The following L1CAM variants were observed in gnomAD, a reference collection of about 807,000 sequenced individuals.
L1CAM encodes neural cell adhesion molecule L1.
L1CAM carries 8 observed loss-of-function variants against 93.0 expected under a neutral mutation model. That is an observed-to-expected ratio of 0.09 (90% CI 0.05 to 0.16). The LOEUF is 0.16. Ranked by LOEUF, L1CAM falls within the 10% of genes least tolerant of loss-of-function variation. The probability of loss-of-function intolerance (pLI) is 1.00; values close to 1 mark genes in which losing one functional copy is unlikely to be tolerated. For synonymous variants in L1CAM, 453 were observed against 453.0 expected (o/e 1.00, Z 0.00); for missense variants, 777 against 1,073.4 (o/e 0.72, Z 3.86).
intron 1 of L1CAM, among the ~76,000 whole-genome samples, chrX:153,877,076 G>A (rs2064818362): frequency 9.1e-6 from 1 of 109,315 alleles, no homozygotes; most frequent in Non-Finnish European, 1.9e-5. Context: ...GGGAGGCCGA[G>A]GTGGGTGGAT....
chrX:153,869,612 C>T lies in L1CAM; in HGVS notation c.1175G>A (p.Ser392Asn). 1 of 1,210,070 alleles carries T rather than the reference C, an allele frequency of 8.3e-7. No homozygotes were observed. Among genetic ancestry groups the T allele is most frequent in the Non-Finnish European group, 1.1e-6 (1 of 894,757 alleles). ...CATTGTGTCACTGGGCTGCACGTTG[C>T]TCAGGATCAGGGCGCCACGCTGAAT... The part of the protein sequence containing the change: ...YRIQRGALIL[S>N]NVQPSDTMVT... The change falls in exon 11 of 29, where the codon AGC (serine) becomes AAC (asparagine). Residue 392 changes from serine to asparagine, a missense_variant. By Grantham distance (46) the Ser-to-Asn change is conservative (BLOSUM62 1). Transcript: ENST00000370060.
At position 153,870,259 on chromosome X, in the gene L1CAM, G is replaced by A; in HGVS notation, c.807-19C>T. 1 of 1,203,757 alleles carries A rather than the reference G, an allele frequency of 8.3e-7. No individual in the cohort carries two copies. The highest frequency in any genetic ancestry group is 1.1e-6 in the Non-Finnish European group (1 of 888,843). On this transcript the variant is annotated intron_variant, in intron 8 of 28. Coordinates refer to ENST00000370060, the MANE Select transcript of L1CAM (RefSeq NM_001278116.2). The stretch of plus-strand genomic sequence containing the variant: ...CGTGGGACTGCCCGGGAGGCAAAGG[G>A]AAGAGAGCAGAAGGGAGAAAGGACA...
At chrX:153,883,192 G>C (rs1569545171) in intron 1 of L1CAM, among the ~76,000 whole-genome samples, 1 of 111,304 alleles carries the variant, frequency 9.0e-6, no homozygotes, top group Non-Finnish European at 1.9e-5. Flanking sequence ...AGGGGCAGCT[G>C]GGGGGGACAA....
intron 2 of L1CAM, among the ~76,000 whole-genome samples, chrX:153,874,429 G>A (rs4243542): frequency 0.064 from 7,271 of 112,849 alleles, 316 homozygotes; most frequent in African/African-American, 0.15. Context: ...GCCTCTCAGC[G>A]GCTCTGCTCC....
At chrX:153,867,655 A>T (rs1342401644) in intron 16 of L1CAM, 102 bp from the exon 17 acceptor site, 1 of 960,596 alleles carries the variant, frequency 1.0e-6, no homozygotes, top group Non-Finnish European at 1.5e-6. Context: ...ACCCAGGCCA[A>T]CTGGCATCTC....
chrX:153,874,188 C>T (rs1436303527), intron 2 of L1CAM, among the ~76,000 whole-genome samples: 3 of 112,535 alleles, frequency 2.7e-5, no homozygotes, highest in Non-Finnish European at 3.8e-5. Flanking sequence ...CAGGGAGGGC[C>T]GGCTGCCTGC....
At chrX:153,883,593 C>G (rs2064858483) in intron 1 of L1CAM, 1 of 271,372 alleles carries the variant, frequency 3.7e-6, no homozygotes, top group African/African-American at 2.8e-5. Context: ...GAGGACAGGG[C>G]AATGAGCACC....
chrX:153,862,975 G>A (rs782716610), intron 28 of L1CAM, 81 bp from the exon 29 acceptor site: 8 of 770,112 alleles, frequency 1.0e-5, no homozygotes, highest in Non-Finnish European at 1.3e-5. Flanking sequence ...GCAGACGCCC[G>A]CCTGCCTTCC....
In L1CAM at chrX:153,866,827, G is replaced by C; in HGVS notation, c.2253C>G (p.Arg751=). 5 of 1,211,626 alleles carry C rather than the reference G, an allele frequency of 4.1e-6. No homozygotes were observed. Among genetic ancestry groups the C allele is most frequent in the Non-Finnish European group, 5.6e-6 (5 of 895,394 alleles). The change falls in exon 19 of 29, where the codon CGC becomes CGG. Residue 751 remains arginine (R), a synonymous_variant. Coordinates refer to ENST00000370060, the MANE Select transcript of L1CAM (RefSeq NM_001278116.2). ...GTGTCCCCTGAGGGCGCCACTGCAC[G>C]CGGTACTGAACCTGGGGGGCGTTCC... ...MDWNAPQVQY[R]VQWRPQGTRG...
In L1CAM at chrX:153,864,416, C is replaced by T. The variant is rs782716181; in HGVS notation, c.3228G>A (p.Thr1076=). 5.8e-6 allele frequency: 7 copies of T among 1,211,096 alleles called. No homozygotes were observed. Among genetic ancestry groups the T allele is most frequent in the East Asian group, 5.9e-5 (2 of 33,848 alleles). ...CAGTGTCAGGCTGCAGGTCCCACTG[C>T]GTGTAGGAGCTCTGGTTGTAGCTGA... ...QYVSYNQSSY[T]QWDLQPDTDY... is the part of the protein sequence containing the mutation. The change falls in exon 25 of 29, where the codon ACG becomes ACA. Residue 1076 remains threonine (T), a synonymous_variant. Coordinates refer to ENST00000370060, the MANE Select transcript of L1CAM (RefSeq NM_001278116.2).
At chrX:153,877,744 G>GGCC in intron 1 of L1CAM, among the ~76,000 whole-genome samples, 1 of 112,711 alleles carries the variant, frequency 8.9e-6, no homozygotes, top group Middle Eastern at 4.6e-3. Context: ...GGTCAAGAGA[G>GGCC]GCCACTGAGG....
intron 28 of L1CAM, 55 bp from the exon 29 acceptor site, chrX:153,862,949 C>G (rs1557089400): frequency 9.8e-7 from 1 of 1,017,138 alleles, no homozygotes; most frequent in Admixed American, 2.4e-5. Flanking sequence ...CCTGCAGGAG[C>G]CTGGCTGGGG....
intron 1 of L1CAM, 95 bp from the exon 2 acceptor site, chrX:153,876,039 T>C (rs2064811751): frequency 8.6e-6 from 4 of 464,841 alleles, no homozygotes; most frequent in South Asian, 6.0e-5. Flanking sequence ...CCCGGGCTCT[T>C]GGCCCCGCCC....
intron 1 of L1CAM, among the ~76,000 whole-genome samples, chrX:153,877,218 C>T (rs1436793533): frequency 2.8e-4 from 25 of 88,532 alleles, no homozygotes; most frequent in Non-Finnish European, 4.9e-4. Flanking sequence ...CTGAGGCAGG[C>T]GGATCATGAG....
chrX:153,866,983 C>T (rs2064719943), intron 18 of L1CAM, 71 bp downstream of exon 18: 1 of 1,133,338 alleles, frequency 8.8e-7, no homozygotes. Flanking sequence ...CTTTGCATAG[C>T]CAAGGGGGAG....
intron 1 of L1CAM, among the ~76,000 whole-genome samples, chrX:153,877,134 C>G (rs1181751686): frequency 1.9e-5 from 2 of 106,183 alleles, no homozygotes; most frequent in African/African-American, 7.0e-5. Flanking sequence ...ATGGTGAAAC[C>G]CTGTCTCTAG....
chrX:153,861,886 G>A lies in L1CAM; in HGVS notation c.*777C>T, dbSNP rs1557088894. 9.2e-6 allele frequency: 1 copy of A among 108,715 alleles called. No individual in the cohort carries two copies. Among genetic ancestry groups the A allele is most frequent in the Non-Finnish European group, 1.9e-5 (1 of 52,156 alleles). 9.0% of individuals were successfully genotyped at this position (108,715 alleles called of 1,213,427 possible). Reference sequence around the variant, plus strand: ...AGACAACTGTTCAGACGATAGGGAGGGCAGGGCTGCTAAGGGGTCCTGGGG... The same window carrying A: ...AGACAACTGTTCAGACGATAGGGAGAGCAGGGCTGCTAAGGGGTCCTGGGG... On this transcript the variant is annotated 3_prime_UTR_variant, in exon 29 of 29. Transcript: ENST00000370060.
At position 153,862,747 on chromosome X, in the gene L1CAM, A is replaced by G. The variant is rs200610909; in HGVS notation, c.3690T>C (p.Ser1230=). ...NEDGSFIGQY[S]GKKEKEAAGG... ...CTGCCGCCTCCTTCTCCTTCTTGCC[A>G]CTGTACTGGCCAATGAACGAACCAT... Residue 1230 remains serine (S), a synonymous_variant, in exon 29 of 29, where the codon AGT becomes AGC. Coordinates refer to ENST00000370060, the MANE Select transcript of L1CAM (RefSeq NM_001278116.2). 11 of 1,210,777 alleles carry G rather than the reference A, an allele frequency of 9.1e-6. No homozygotes were observed. The Admixed American group carries it at 1.3e-4, about 14-fold the overall frequency.
At chrX:153,880,859 C>T (rs1375032106) in intron 1 of L1CAM, 3 of 251,701 alleles carry the variant, frequency 1.2e-5, no homozygotes, top group Non-Finnish European at 2.3e-5. Flanking sequence ...CCCAACCTCA[C>T]CCCTCCCTAA....
Sources: gnomAD v4.1 joint callset for allele counts (sites outside exome capture counted in the v4.1 genomes callset) on GRCh38, gnomAD v4.1.1 for gene constraint, MANE v1.5 for transcripts, NCBI Gene and HGNC (gene_info 2026-07-23, HGNC 2026-07-21) for gene names.